EMB: variants seen among roughly 807,000 people sequenced by gnomAD.
The protein encoded by EMB is embigin.
In EMB, 31 loss-of-function variants were observed where a neutral mutation model predicts 41.4. The observed-to-expected ratio is 0.75, with a 90% confidence interval of 0.56 to 1.01. The LOEUF is 1.01. Ranked by LOEUF, EMB falls within the 50% of genes least tolerant of loss-of-function variation. The probability of loss-of-function intolerance (pLI) is 0.00; values close to 1 mark genes in which losing one functional copy is unlikely to be tolerated. For synonymous variants in EMB, 137 were observed against 140.4 expected, an observed-to-expected ratio of 0.98 and a Z score of 0.17; for missense variants, 379 against 388.3, an observed-to-expected ratio of 0.98 and a Z score of 0.20.
intron 5 of EMB, 74 bp downstream of exon 5, chr5:50,405,651 G>C: frequency 6.6e-7 from 1 of 1,516,966 alleles, no homozygotes; most frequent in South Asian, 1.3e-5. Context: ...TGCTGAGTCT[G>C]TTACAATCTT....
chr5:50,398,230 G>T lies in EMB; in HGVS notation c.*1043C>A, dbSNP rs926134593. On this transcript the variant is annotated 3_prime_UTR_variant, in exon 9 of 9. Transcript: ENST00000303221. Reference sequence around the variant, plus strand: ...TGTTGATTCAGATTTTATAAGATTTGATTACAGTGAGTTTATAAAATATTT... The same window carrying T: ...TGTTGATTCAGATTTTATAAGATTTTATTACAGTGAGTTTATAAAATATTT... 6.6e-6 allele frequency: 1 copy of T among 151,460 alleles called. No individual in the cohort carries two copies. Among genetic ancestry groups the T allele is most frequent in the South Asian group, 2.1e-4 (1 of 4,808 alleles). 9.4% of individuals were successfully genotyped at this position (151,460 alleles called of 1,614,324 possible).
intron 4 of EMB, 38 bp from the exon 5 acceptor site, chr5:50,405,890 G>GT (rs745478910): frequency 6.5e-7 from 1 of 1,541,644 alleles, no homozygotes; most frequent in Non-Finnish European, 8.7e-7. Context: ...TACTGAAAGA[G>GT]TTTAGGTAAA....
intron 2 of EMB, among the ~76,000 whole-genome samples, chr5:50,426,911 AAAAAC>A (rs1308810223): frequency 6.6e-6 from 1 of 151,696 alleles, no homozygotes; most frequent in African/African-American, 2.4e-5. Flanking sequence ...AAAAAAAAAA[AAAAAC>A]ACTTAGGACA....
At chr5:50,410,705 G>A (rs1018926533) in intron 4 of EMB, among the ~76,000 whole-genome samples, 172 bp downstream of exon 4, 13 of 152,074 alleles carry the variant, frequency 8.5e-5, no homozygotes, top group Non-Finnish European at 1.6e-4. Context: ...AGTGGACTTG[G>A]GGGATACAAG....
At position 50,420,188 on chromosome 5, in the gene EMB, A is replaced by G. The variant is rs1433820517; in HGVS notation, c.196+7956T>C. Among the ~76,000 whole-genome samples, 3 of 152,204 alleles carry G rather than the reference A, an allele frequency of 2.0e-5. No individual in the cohort carries two copies. The East Asian group carries it at 5.8e-4, about 29-fold the overall frequency. Reference sequence around the variant, plus strand: ...ACATGTACCCCAGAATTTAAAAAATAAAATACAATAAAAGTAACTGGATTC... The same window carrying G: ...ACATGTACCCCAGAATTTAAAAAATGAAATACAATAAAAGTAACTGGATTC... On this transcript the variant is annotated intron_variant, in intron 2 of 8. Coordinates refer to ENST00000303221, the MANE Select transcript of EMB (RefSeq NM_198449.3).
chr5:50,405,478 A>G (rs1450893869), intron 5 of EMB, among the ~76,000 whole-genome samples: 1 of 151,948 alleles, frequency 6.6e-6, no homozygotes. Flanking sequence ...AAATTGTTAA[A>G]CCTAAAAAAC....
intron 2 of EMB, among the ~76,000 whole-genome samples, chr5:50,416,323 T>C (rs1745431118): frequency 6.6e-6 from 1 of 152,228 alleles, no homozygotes; most frequent in African/African-American, 2.4e-5. Context: ...AGACTGTTCT[T>C]AAAACCATAT....
Position 50,414,803 on chromosome 5 carries a change from C to G in EMB, c.197-3420G>C, listed in dbSNP as rs140703042. 5.6e-4 allele frequency among the ~76,000 whole-genome samples: 86 copies of G among 152,278 alleles called. 4 individuals are homozygous for G. In the East Asian group the frequency reaches 0.015, roughly 26 times the overall value. ...ACCTTATTCCTTGCAGTTCCCTTTA[C>G]TGTGCTCTATTTCACTATCCTAGTA... On this transcript the variant is annotated intron_variant, in intron 2 of 8. Coordinates refer to ENST00000303221, the MANE Select transcript of EMB (RefSeq NM_198449.3).
In EMB at chr5:50,419,548, T is replaced by TAC. The variant is rs58712109; in HGVS notation, c.197-8167_197-8166dup. Among the ~76,000 whole-genome samples, 438 of 147,214 alleles carry TAC rather than the reference T, an allele frequency of 3.0e-3. 1 individual carries two copies. Among genetic ancestry groups the TAC allele is most frequent in the Middle Eastern group, 0.01 (3 of 290 alleles). ...AACCCCCACTACATACACACACACA[T>TAC]ACACACACACACACACACACACAGA... On this transcript the variant is annotated intron_variant, in intron 2 of 8. Transcript: ENST00000303221.
upstream of EMB, chr5:50,441,349 G>C (rs1754494474): frequency 2.6e-6 from 1 of 378,536 alleles, no homozygotes; most frequent in Non-Finnish European, 4.7e-6. Context: ...TACCGCGCCC[G>C]GCCCTCCATC....
intron 2 of EMB, among the ~76,000 whole-genome samples, chr5:50,414,187 A>T (rs1745390391): frequency 6.6e-6 from 1 of 152,144 alleles, no homozygotes; most frequent in African/African-American, 2.4e-5. Flanking sequence ...GTATGATGAA[A>T]TGTAGAATGC....
chr5:50,439,322 CT>C (rs553132326), intron 1 of EMB, among the ~76,000 whole-genome samples: 1 of 150,628 alleles, frequency 6.6e-6, no homozygotes, highest in Non-Finnish European at 1.5e-5. Flanking sequence ...CTTTTTCTTT[CT>C]TTTTTTTTGA....
intron 1 of EMB, among the ~76,000 whole-genome samples, chr5:50,433,193 C>T (rs1745751420): frequency 6.6e-6 from 1 of 152,044 alleles, no homozygotes; most frequent in African/African-American, 2.4e-5. Context: ...TTGATATTTT[C>T]TGCACAGTAT....
In EMB at chr5:50,440,086, C is replaced by A. The variant is rs573532760; in HGVS notation, c.112+954G>T. Among the ~76,000 whole-genome samples the A allele has an allele frequency of 1.8e-4, 27 of 152,194 alleles. No homozygotes were observed. In the East Asian group the frequency reaches 5.2e-3, roughly 29 times the overall value. ...GTGTCTTAAACAATAAAACAACAAGCAAAAATCTCACACATACACACACAC... is the reference window on the plus strand; with the variant it reads ...GTGTCTTAAACAATAAAACAACAAGAAAAAATCTCACACATACACACACAC... On this transcript the variant is annotated intron_variant, in intron 1 of 8. Coordinates refer to ENST00000303221, the MANE Select transcript of EMB (RefSeq NM_198449.3).
intron 2 of EMB, among the ~76,000 whole-genome samples, chr5:50,421,536 C>T (rs1055294517): frequency 2.6e-5 from 4 of 152,028 alleles, no homozygotes; most frequent in Non-Finnish European, 5.9e-5. Context: ...CCAGCCATCC[C>T]ATTACTGGGT....
intron 3 of EMB, 62 bp downstream of exon 3, chr5:50,411,135 C>CA: frequency 6.9e-7 from 1 of 1,445,336 alleles, no homozygotes; most frequent in Non-Finnish European, 9.3e-7. Flanking sequence ...GCTCAGTCAG[C>CA]AAAAATATTT....
intron 3 of EMB, 106 bp from the exon 4 acceptor site, chr5:50,411,071 A>C: frequency 8.5e-7 from 1 of 1,175,340 alleles, no homozygotes; most frequent in Non-Finnish European, 1.2e-6. Context: ...TAATTCTGTA[A>C]ATATGCAAAT....
At chr5:50,429,822 TATTC>T (rs1002123011) in intron 1 of EMB, among the ~76,000 whole-genome samples, 47 of 152,262 alleles carry the variant, frequency 3.1e-4, no homozygotes, top group African/African-American at 4.8e-4. Flanking sequence ...TCACATCTAG[TATTC>T]ATTCATTCAT....
upstream of EMB, among the ~76,000 whole-genome samples, chr5:50,442,393 C>G (rs2111888789): frequency 6.6e-6 from 1 of 152,162 alleles, no homozygotes; most frequent in African/African-American, 2.4e-5. Context: ...TTCAAATTGG[C>G]AGTGAGATAA....
Sources: gnomAD v4.1 joint callset for allele counts (sites outside exome capture counted in the v4.1 genomes callset) on GRCh38, gnomAD v4.1.1 for gene constraint, MANE v1.5 for transcripts, NCBI Gene and HGNC (gene_info 2026-07-23, HGNC 2026-07-21) for gene names.